HERPUD2: variants seen among roughly 807,000 people sequenced by gnomAD.
HERPUD2 encodes the protein HERPUD family member 2.
A neutral mutation model predicts 49.9 loss-of-function variants in HERPUD2; 13 were observed. That is an observed-to-expected ratio of 0.26 (90% CI 0.17 to 0.41). The LOEUF (loss-of-function observed/expected upper bound fraction) is 0.41, where lower values mean the gene tolerates loss of function less well. Ranked by LOEUF, HERPUD2 falls within the 10% of genes least tolerant of loss-of-function variation. The pLI is 1.00. For synonymous variants in HERPUD2, 172 were observed against 171.4 expected, an observed-to-expected ratio of 1.00 and a Z score of -0.03; for missense variants, 449 against 492.2, an observed-to-expected ratio of 0.91 and a Z score of 0.83.
In HERPUD2 at chr7:35,682,339, GTGTGTGTGTGTGTGTGTGTA is replaced by G. The variant is rs1489052631; in HGVS notation, c.148-9081_148-9062del. On this transcript the variant is annotated intron_variant, in intron 2 of 8. Coordinates refer to ENST00000311350, the MANE Select transcript of HERPUD2 (RefSeq NM_022373.5). ...TACACATACACACGTGTGTGTGTGT[GTGTGTGTGTGTGTGTGTGTA>G]TATATATATATATATATATATATAT... is the stretch of plus-strand genomic sequence containing the variant. Among the ~76,000 whole-genome samples the G allele has an allele frequency of 5.7e-4, 13 of 22,712 alleles. 1 individual carries two copies. Among genetic ancestry groups the G allele is most frequent in the Non-Finnish European group, 1.1e-3 (11 of 9,922 alleles). The allele number at this position is 22,712 out of a possible 152,430, so 14.9% of individuals were successfully genotyped here.
At chr7:35,667,351 CAA>C in intron 5 of HERPUD2, 81 bp downstream of exon 5, 1 of 1,205,136 alleles carries the variant, frequency 8.3e-7, no homozygotes, top group East Asian at 2.4e-5. Context: ...TTAATTACTG[CAA>C]AGAGGCTATA....
At chr7:35,669,808 G>C (rs754694553) in intron 4 of HERPUD2, among the ~76,000 whole-genome samples, 26 of 151,738 alleles carry the variant, frequency 1.7e-4, no homozygotes, top group Admixed American at 6.6e-4. Flanking sequence ...GAAGATTTAG[G>C]GTACTTAAAT....
At chr7:35,680,029 C>T (rs1175719147) in intron 2 of HERPUD2, among the ~76,000 whole-genome samples, 4 of 152,178 alleles carry the variant, frequency 2.6e-5, no homozygotes, top group African/African-American at 7.2e-5. Context: ...TCTAAACCAT[C>T]GTCTCCTGCC....
intron 2 of HERPUD2, among the ~76,000 whole-genome samples, chr7:35,681,457 G>C (rs1233146481): frequency 6.6e-6 from 1 of 152,104 alleles, no homozygotes; most frequent in Non-Finnish European, 1.5e-5. Context: ...TATATACCCA[G>C]TTCCATTGCT....
At position 35,694,963 on chromosome 7, in the gene HERPUD2, G is replaced by C. The variant is rs958126169; in HGVS notation, c.-460C>G. 4.6e-5 allele frequency: 6 copies of C among 129,634 alleles called. No individual in the cohort carries two copies. Among genetic ancestry groups the C allele is most frequent in the Non-Finnish European group, 8.1e-5 (5 of 61,540 alleles). The allele number at this position is 129,634 out of a possible 1,614,324, so 8.0% of individuals were successfully genotyped here. ...GTCTCGCGAGGAGGCGCGGGTGAAAGGGAGAGAAGCTGACCGAAGGCGCGG... is the reference window on the plus strand; with the variant it reads ...GTCTCGCGAGGAGGCGCGGGTGAAACGGAGAGAAGCTGACCGAAGGCGCGG... On this transcript the variant is annotated 5_prime_UTR_variant, in exon 1 of 9. Coordinates refer to ENST00000311350, the MANE Select transcript of HERPUD2 (RefSeq NM_022373.5).
chr7:35,655,300 T>C (rs1785252828), intron 5 of HERPUD2, among the ~76,000 whole-genome samples: 2 of 152,120 alleles, frequency 1.3e-5, no homozygotes, highest in South Asian at 4.1e-4. Flanking sequence ...AGGTCAACGA[T>C]GAACACAGAC....
rs569099152 is a variant in HERPUD2 at position 35,667,718 on chromosome 7, A to G, written c.340-130T>C. ...ACATTTCAGAAATTTACTGTTTTACATCGTGTGTCCAGTATAAGTAGATAT... is the reference window on the plus strand; with the variant it reads ...ACATTTCAGAAATTTACTGTTTTACGTCGTGTGTCCAGTATAAGTAGATAT... On this transcript the variant is annotated intron_variant, in intron 4 of 8. Transcript: ENST00000311350. 274 of 687,658 alleles carry G rather than the reference A, an allele frequency of 4.0e-4. 4 individuals carry two copies. In the South Asian group the frequency reaches 5.2e-3, roughly 13 times the overall value. 42.6% of individuals were successfully genotyped at this position (687,658 alleles called of 1,614,324 possible).
chr7:35,653,674 C>CA (rs1562673672), intron 5 of HERPUD2, among the ~76,000 whole-genome samples: 1 of 150,816 alleles, frequency 6.6e-6, no homozygotes, highest in Non-Finnish European at 1.5e-5. Flanking sequence ...AAACAAGTCT[C>CA]AAAAAATTTT....
chr7:35,685,769 G>A (rs1353640209), intron 2 of HERPUD2, among the ~76,000 whole-genome samples: 3 of 152,000 alleles, frequency 2.0e-5, no homozygotes, highest in East Asian at 3.9e-4. Flanking sequence ...CTTGAGGTCA[G>A]GAGTTCCAGA....
chr7:35,674,561 G>A (rs1261227765), intron 2 of HERPUD2, among the ~76,000 whole-genome samples: 1 of 151,398 alleles, frequency 6.6e-6, no homozygotes, highest in Non-Finnish European at 1.5e-5. Context: ...TCAGAAAGAT[G>A]AGTATCTTTA....
chr7:35,684,489 T>C (rs999842482), intron 2 of HERPUD2, among the ~76,000 whole-genome samples: 3 of 151,276 alleles, frequency 2.0e-5, no homozygotes, highest in Non-Finnish European at 4.4e-5. Context: ...TGCCCATCAA[T>C]CAACAAATGG....
rs1784850185 is a variant in HERPUD2, at chr7:35,635,198, A to G, written c.878T>C (p.Val293Ala). 6.2e-7 allele frequency: 1 copy of G among 1,614,184 alleles called. No homozygotes were observed. The highest frequency in any genetic ancestry group is 1.3e-5 in the African/African-American group (1 of 75,064). Residue 293 changes from valine (V) to alanine (A), a missense_variant, in exon 7 of 9, where the codon GTA (valine) becomes GCA (alanine). Coordinates refer to ENST00000311350, the MANE Select transcript of HERPUD2 (RefSeq NM_022373.5). ...CCGACTAAAAGAAGAATAGAAGTAT[A>G]CAATGCTAAGGAGAATCGCAGCTCG... ...FSRAAILLSI[V>A]YFYSSFSRFI...
intron 2 of HERPUD2, among the ~76,000 whole-genome samples, chr7:35,691,435 T>C (rs1283290467): frequency 6.6e-6 from 1 of 152,166 alleles, no homozygotes; most frequent in Non-Finnish European, 1.5e-5. Flanking sequence ...TTTATTTTCC[T>C]AGAAGCCACT....
intron 5 of HERPUD2, among the ~76,000 whole-genome samples, chr7:35,645,919 G>A (rs574835581): frequency 4.6e-5 from 7 of 152,210 alleles, no homozygotes; most frequent in East Asian, 1.9e-4. Flanking sequence ...CTTTTGTTTC[G>A]TTTTGTTTTG....
intron 2 of HERPUD2, among the ~76,000 whole-genome samples, chr7:35,674,398 TATATATAGAG>T (rs1785708254): frequency 1.6e-5 from 1 of 61,370 alleles, no homozygotes; most frequent in African/African-American, 7.1e-5. Context: ...TATATATATA[TATATATAGAG>T]AGAGAGAGAG....
At chr7:35,641,981 A>C (rs1184295056) in intron 5 of HERPUD2, among the ~76,000 whole-genome samples, 1 of 152,232 alleles carries the variant, frequency 6.6e-6, no homozygotes, top group Non-Finnish European at 1.5e-5. Flanking sequence ...AATTAAACTT[A>C]AGAGCTTCTG....
intron 5 of HERPUD2, among the ~76,000 whole-genome samples, chr7:35,660,404 G>C (rs1583552811): frequency 6.6e-6 from 1 of 152,162 alleles, no homozygotes; most frequent in Non-Finnish European, 1.5e-5. Flanking sequence ...GTAATGGGAT[G>C]GCTGGGTCAA....
chr7:35,689,328 C>T (rs894023432), intron 2 of HERPUD2, among the ~76,000 whole-genome samples: 1 of 152,002 alleles, frequency 6.6e-6, no homozygotes, highest in Non-Finnish European at 1.5e-5. Flanking sequence ...AACTATATTC[C>T]CAGGCGACAT....
At position 35,694,446 on chromosome 7, in the gene HERPUD2, G is replaced by T; in HGVS notation, c.-116C>A. 1 of 1,047,180 alleles carries T rather than the reference G, an allele frequency of 9.5e-7. No homozygotes were observed. The highest frequency in any genetic ancestry group is 1.4e-6 in the Non-Finnish European group (1 of 697,974). 64.9% of individuals were successfully genotyped at this position (1,047,180 alleles called of 1,614,324 possible). ...CAGAAGTGAGTTCTTAGTATTCCGT[G>T]TCCAAGTCAGTTACAAGTGCACTGG... On this transcript the variant is annotated 5_prime_UTR_variant, in exon 2 of 9. Transcript: ENST00000311350.
Sources: allele counts gnomAD v4.1 joint callset (sites outside exome capture counted in the v4.1 genomes callset), GRCh38; gene constraint gnomAD v4.1.1; transcripts MANE v1.5; gene names NCBI Gene and HGNC (gene_info 2026-07-23, HGNC 2026-07-21).